Variants in MAD1L1 observed in about 807,000 individuals in gnomAD.
MAD1L1 encodes the protein mitotic spindle assembly checkpoint protein MAD1.
A neutral mutation model predicts 96.9 loss-of-function variants in MAD1L1; 95 were observed. The ratio of observed to expected loss-of-function variants is 0.98; its 90% CI spans 0.83 to 1.16. The LOEUF is 1.16. Among genes scored for constraint, MAD1L1 ranks in the 50% most tolerant of loss-of-function variants. The probability of loss-of-function intolerance (pLI) is 0.00; values close to 1 mark genes in which losing one functional copy is unlikely to be tolerated. For missense variants in MAD1L1, 1,007 were observed against 954.4 expected, an observed-to-expected ratio of 1.06 and a Z score of -0.73; for synonymous variants, 473 against 396.6, an observed-to-expected ratio of 1.19 and a Z score of -2.29.
rs180818365 is a variant in MAD1L1, at chr7:2,184,022, G to A, written c.986+29190C>T. The stretch of plus-strand genomic sequence containing the variant: ...TCCTGGCACTTTGGGAGGCCGAGGC[G>A]GGTGGATCACGAGGTCAGGAAATCG... On this transcript the variant is annotated intron_variant, in intron 10 of 18. Transcript: ENST00000265854. Among the ~76,000 whole-genome samples, 646 of 152,042 alleles carry A rather than the reference G, an allele frequency of 4.2e-3. 9 individuals are homozygous for A. The highest frequency in any genetic ancestry group is 0.015 in the African/African-American group (608 of 41,492).
intron 17 of MAD1L1, among the ~76,000 whole-genome samples, chr7:1,926,987 C>G (rs1179155140): frequency 1.3e-5 from 2 of 152,152 alleles, no homozygotes; most frequent in South Asian, 2.1e-4. Context: ...AAAACAAAAT[C>G]AAAACAGCAA....
At chr7:1,823,798 G>A (rs1782248869) in intron 18 of MAD1L1, among the ~76,000 whole-genome samples, 1 of 152,160 alleles carries the variant, frequency 6.6e-6, no homozygotes, top group African/African-American at 2.4e-5. Context: ...AGAAGCCGCA[G>A]CTGCTGGGCC....
intron 12 of MAD1L1, among the ~76,000 whole-genome samples, chr7:2,058,611 A>G (rs1317817090): frequency 3.6e-3 from 71 of 19,624 alleles, no homozygotes; most frequent in African/African-American, 6.6e-3. Context: ...GCGCGGGGCT[A>G]GAGTGGGAGT....
intron 18 of MAD1L1, among the ~76,000 whole-genome samples, chr7:1,823,936 A>T (rs1013053613): frequency 2.6e-5 from 4 of 152,152 alleles, no homozygotes; most frequent in Admixed American, 2.6e-4. Context: ...GCCGCTCCGG[A>T]GCAGGGCTCT....
chr7:2,189,545 T>C (rs775300367), intron 10 of MAD1L1, among the ~76,000 whole-genome samples: 1 of 152,036 alleles, frequency 6.6e-6, no homozygotes, highest in Non-Finnish European at 1.5e-5. Context: ...GCCAGTCACA[T>C]AAGGACAAAT....
At chr7:2,199,506 C>A (rs542920536) in intron 10 of MAD1L1, among the ~76,000 whole-genome samples, 160 of 152,386 alleles carry the variant, frequency 1.0e-3, no homozygotes, top group Non-Finnish European at 1.4e-3. Flanking sequence ...TGAACACTTT[C>A]TTTAAATCAT....
chr7:1,950,647 C>T (rs971708071), intron 16 of MAD1L1, among the ~76,000 whole-genome samples: 1 of 152,256 alleles, frequency 6.6e-6, no homozygotes, highest in African/African-American at 2.4e-5. Flanking sequence ...CCCCCAGCTG[C>T]AGCTCTCACC....
At chr7:1,824,202 G>A (rs1583475852) in intron 18 of MAD1L1, among the ~76,000 whole-genome samples, 2 of 152,204 alleles carry the variant, frequency 1.3e-5, no homozygotes, top group South Asian at 2.1e-4. Flanking sequence ...GAGCACTGCC[G>A]GCCCCAACGC....
At chr7:1,820,208 G>A (rs773530816) in intron 18 of MAD1L1, among the ~76,000 whole-genome samples, 7 of 152,052 alleles carry the variant, frequency 4.6e-5, no homozygotes, top group Middle Eastern at 6.8e-3. Flanking sequence ...GGGATGCCTC[G>A]AAGGAAATAA....
At chr7:2,172,113 C>T (rs968530477) in intron 10 of MAD1L1, among the ~76,000 whole-genome samples, 1 of 152,172 alleles carries the variant, frequency 6.6e-6, no homozygotes, top group Non-Finnish European at 1.5e-5. Context: ...ACAGTGCCCC[C>T]ACCTCAAAGG....
At chr7:1,874,793 G>C (rs562475690) in intron 18 of MAD1L1, among the ~76,000 whole-genome samples, 281 of 152,182 alleles carry the variant, frequency 1.8e-3, no homozygotes, top group Admixed American at 3.7e-3. Flanking sequence ...AGGAGAGAGA[G>C]GTTGGGTAGG....
At position 1,945,298 on chromosome 7, in the gene MAD1L1, A is replaced by C. The variant is rs573919853; in HGVS notation, c.1597-8401T>G. Among the ~76,000 whole-genome samples the C allele has an allele frequency of 3.9e-5, 6 of 152,380 alleles. No individual in the cohort carries two copies. In the East Asian group the frequency reaches 1.2e-3, roughly 29 times the overall value. ...GACTCCTGTCCACCACCACAGCCCC[A>C]GCACCGAGGACTATCCCGGCACAGG... is the stretch of plus-strand genomic sequence containing the variant. On this transcript the variant is annotated intron_variant, in intron 16 of 18. Transcript: ENST00000265854.
rs192161627 is a variant in MAD1L1, at chr7:1,899,297, G to A, written c.1808-907C>T. Among the ~76,000 whole-genome samples the A allele has an allele frequency of 3.0e-4, 45 of 152,324 alleles. 1 individual carries two copies. In the East Asian group the frequency reaches 8.1e-3, roughly 27 times the overall value. ...TTATCAGGACTGGCTCCACTTAGAC[G>A]CACACAGAGCCGTCCCCTAGGCCGG... On this transcript the variant is annotated intron_variant, in intron 17 of 18. Coordinates refer to ENST00000265854, the MANE Select transcript of MAD1L1 (RefSeq NM_001013836.2).
At chr7:1,871,766 C>T (rs1017707872) in intron 18 of MAD1L1, among the ~76,000 whole-genome samples, 1 of 152,102 alleles carries the variant, frequency 6.6e-6, no homozygotes, top group Admixed American at 6.5e-5. Flanking sequence ...CTGAACCCAA[C>T]ATACGCCTGC....
intron 10 of MAD1L1, among the ~76,000 whole-genome samples, chr7:2,150,531 G>A (rs879292479): frequency 6.6e-6 from 1 of 152,132 alleles, no homozygotes; most frequent in African/African-American, 2.4e-5. Flanking sequence ...TCCAAACAGA[G>A]GAAGGGCCAC....
At chr7:2,229,619 T>C (rs1176224239) in intron 3 of MAD1L1, among the ~76,000 whole-genome samples, 1 of 152,196 alleles carries the variant, frequency 6.6e-6, no homozygotes, top group Non-Finnish European at 1.5e-5. Context: ...AACACAGCCT[T>C]CCCGACAGTC....
rs370943006 is a variant in MAD1L1 at position 2,125,958 on chromosome 7, C to G, written c.1073+23194G>C. On this transcript the variant is annotated intron_variant, in intron 11 of 18. Transcript: ENST00000265854. The stretch of plus-strand genomic sequence containing the variant: ...CCCCTGGGCCTCCTCACGTTTACAG[C>G]GCCACAGGTGAGAAAGTGAGTGGGG... Among the ~76,000 whole-genome samples, 35 of 152,380 alleles carry G rather than the reference C, an allele frequency of 2.3e-4. 1 individual carries two copies. The South Asian group carries it at 7.0e-3, about 31-fold the overall frequency.
intron 18 of MAD1L1, among the ~76,000 whole-genome samples, chr7:1,824,216 C>T (rs975559960): frequency 6.6e-6 from 1 of 152,162 alleles, no homozygotes; most frequent in African/African-American, 2.4e-5. Context: ...CCAACGCCTC[C>T]CCTCTTACAC....
rs1478517959 is a variant in MAD1L1 at position 2,058,929 on chromosome 7, T to C, written c.1218+10265A>G. On this transcript the variant is annotated intron_variant, in intron 12 of 18. Transcript: ENST00000265854. ...GAGAGGCGCAGGGCTGGAGAGGGAG[T>C]GTGGCCAGAGGAGAGGAGAGGCGCG... Among the ~76,000 whole-genome samples the C allele has an allele frequency of 1.2e-3, 87 of 70,124 alleles. 10 individuals carry two copies. The highest frequency in any genetic ancestry group is 1.6e-3 in the Admixed American group (10 of 6,066). 46.0% of individuals were successfully genotyped at this position (70,124 alleles called of 152,430 possible).
Sources: gnomAD v4.1 joint callset for allele counts (sites outside exome capture counted in the v4.1 genomes callset) on GRCh38, gnomAD v4.1.1 for gene constraint, MANE v1.5 for transcripts, NCBI Gene and HGNC (gene_info 2026-07-23, HGNC 2026-07-21) for gene names.